USP28: variants seen among roughly 807,000 people sequenced by gnomAD.
The protein encoded by USP28 is ubiquitin specific peptidase 28.
Under a neutral mutation model 145.0 loss-of-function variants are expected in USP28, and 113 were observed. The observed-to-expected ratio is 0.78, with a 90% CI of 0.67 to 0.91. The LOEUF (loss-of-function observed/expected upper bound fraction) is 0.91. USP28 is among the 40% of genes least tolerant of loss of function. The probability of loss-of-function intolerance (pLI) is 0.00; values close to 1 mark genes in which losing one functional copy is unlikely to be tolerated. For synonymous variants in USP28, 447 were observed against 450.9 expected (o/e 0.99, Z 0.11); for missense variants, 1,201 against 1,289.6 (o/e 0.93, Z 1.05).
intron 5 of USP28, chr11:113,835,275 C>A (rs1421677075): frequency 4.4e-6 from 2 of 455,844 alleles, no homozygotes; most frequent in African/African-American, 2.0e-5. Flanking sequence ...CCAACATGCT[C>A]CTCAAATGAA....
chr11:113,857,366 G>A (rs1336473863), intron 1 of USP28, among the ~76,000 whole-genome samples: 1 of 152,130 alleles, frequency 6.6e-6, no homozygotes, highest in South Asian at 2.1e-4. Flanking sequence ...TCCTCCAAAG[G>A]TAAATATTTT....
chr11:113,810,034 CAAAAAAAAAAAA>C (rs368686301), intron 16 of USP28, among the ~76,000 whole-genome samples: 29 of 68,988 alleles, frequency 4.2e-4, no homozygotes, highest in South Asian at 6.1e-4. Flanking sequence ...GACTCCATCT[CAAAAAAAAAAAA>C]AAAAAAAAAA....
At chr11:113,812,591 G>T (rs574677103) in intron 15 of USP28, 87 bp from the exon 16 acceptor site, 19 of 1,150,904 alleles carry the variant, frequency 1.7e-5, no homozygotes, top group Admixed American at 1.1e-4. Context: ...TGTTTATGAT[G>T]TGATTAATGT....
intron 6 of USP28, 143 bp from the exon 7 acceptor site, chr11:113,833,700 A>G: frequency 1.3e-6 from 1 of 740,866 alleles, no homozygotes; most frequent in Non-Finnish European, 2.2e-6. Context: ...TGTGTGTTAC[A>G]GGGACTCTGG....
At chr11:113,813,863 T>C in intron 15 of USP28, 22 bp downstream of exon 15, 6 of 1,603,286 alleles carry the variant, frequency 3.7e-6, no homozygotes, top group Non-Finnish European at 5.1e-6. Context: ...CTTGACTACT[T>C]TCCCATCAAT....
At chr11:113,811,643 G>A (rs1941005389) in intron 16 of USP28, among the ~76,000 whole-genome samples, 1 of 151,924 alleles carries the variant, frequency 6.6e-6, no homozygotes, top group African/African-American at 2.4e-5. Context: ...AGCTGAGATT[G>A]CGCCACTGCA....
intron 22 of USP28, 58 bp from the exon 24 acceptor site, chr11:113,803,339 T>C: frequency 6.6e-7 from 1 of 1,508,202 alleles, no homozygotes; most frequent in Non-Finnish European, 8.9e-7. Flanking sequence ...ATCTAGGGCT[T>C]AGACCTCACT....
intron 8 of USP28, 84 bp downstream of exon 8, chr11:113,831,836 T>A (rs986860224): frequency 7.4e-7 from 1 of 1,355,288 alleles, no homozygotes; most frequent in African/African-American, 1.4e-5. Flanking sequence ...CAATTTCTAG[T>A]TAAGGAGAGT....
chr11:113,809,976 A>G (rs968834460), intron 16 of USP28, among the ~76,000 whole-genome samples: 1 of 146,900 alleles, frequency 6.8e-6, no homozygotes, highest in Non-Finnish European at 1.5e-5. Context: ...AGGAGGTTGC[A>G]GTAAGCTGAG....
chr11:113,840,600 G>A lies in USP28; in HGVS notation c.532C>T (p.Gln178Ter). The change falls in exon 5 of 25, where the codon CAG becomes TAG. Residue 178 changes from glutamine (Q) to a stop codon, truncating the protein, a stop_gained and splice_region_variant. Coordinates refer to ENST00000003302, the Ensembl canonical transcript of USP28. LOFTEE classifies it high-confidence loss of function. The stretch of plus-strand genomic sequence containing the variant: ...GTTATCTCTTAAAAATATCATACCT[G>A]AATAACAGCACTAAACCAACATGTA... 1 of 1,612,530 alleles carries A rather than the reference G, an allele frequency of 6.2e-7. No individual in the cohort carries two copies. The highest frequency in any genetic ancestry group is 8.5e-7 in the Non-Finnish European group (1 of 1,179,258).
At chr11:113,854,781 T>C (rs909293704) in intron 1 of USP28, among the ~76,000 whole-genome samples, 1 of 152,260 alleles carries the variant, frequency 6.6e-6, no homozygotes, top group Non-Finnish European at 1.5e-5. Flanking sequence ...AAATGCCAAA[T>C]CTATTTCTCT....
chr11:113,844,302 G>T (rs111417902), intron 3 of USP28, among the ~76,000 whole-genome samples: 1 of 151,946 alleles, frequency 6.6e-6, no homozygotes, highest in Non-Finnish European at 1.5e-5. Context: ...TTAGCCGGGC[G>T]TGGTGGCAGG....
chr11:113,814,002 C>T, intron 14 of USP28, 47 bp from the exon 15 acceptor site: 1 of 1,406,124 alleles, frequency 7.1e-7, no homozygotes, highest in Admixed American at 1.9e-5. Context: ...TGATCTCATT[C>T]TATGTCACAC....
chr11:113,842,495 G>C (rs772188502), intron 3 of USP28, among the ~76,000 whole-genome samples: 62 of 151,736 alleles, frequency 4.1e-4, no homozygotes, highest in Non-Finnish European at 6.6e-4. Flanking sequence ...TGAGGTGGGA[G>C]AATGGCGTAA....
chr11:113,862,492 A>T (rs756226723), intron 1 of USP28, among the ~76,000 whole-genome samples: 4 of 152,210 alleles, frequency 2.6e-5, no homozygotes, highest in Non-Finnish European at 5.9e-5. Flanking sequence ...CGAAGGAAGA[A>T]AAGGCATTTA....
At chr11:113,829,535 C>T (rs866319725) in intron 9 of USP28, 190 bp from the exon 10 acceptor site, 7 of 655,966 alleles carry the variant, frequency 1.1e-5, no homozygotes, top group Non-Finnish European at 2.5e-6. Flanking sequence ...ACCAGTAACA[C>T]TGGAAAAAGA....
At chr11:113,871,742 G>A (rs988260601) in intron 1 of USP28, among the ~76,000 whole-genome samples, 50 of 152,180 alleles carry the variant, frequency 3.3e-4, no homozygotes, top group Admixed American at 2.4e-3. Flanking sequence ...AGACATCAGC[G>A]AGCTCAGTCA....
chr11:113,825,834 A>T (rs1943220303), intron 11 of USP28, among the ~76,000 whole-genome samples: 1 of 152,162 alleles, frequency 6.6e-6, no homozygotes, highest in Non-Finnish European at 1.5e-5. Context: ...GGACCTGGAG[A>T]TGGAGAGAAA....
intron 6 of USP28, among the ~76,000 whole-genome samples, 161 bp from the exon 7 acceptor site, chr11:113,833,718 T>C (rs539517266): frequency 3.9e-5 from 6 of 152,218 alleles, no homozygotes; most frequent in Admixed American, 3.3e-4. Flanking sequence ...TGGTAAGGAC[T>C]GTACTCTAAA....
Sources: allele counts gnomAD v4.1 joint callset (sites outside exome capture counted in the v4.1 genomes callset), GRCh38; gene constraint gnomAD v4.1.1; transcripts MANE v1.5; gene names NCBI Gene and HGNC (gene_info 2026-07-23, HGNC 2026-07-21).